Variants in ENOX1 observed in about 807,000 individuals in gnomAD.
ENOX1 encodes the protein ecto-NOX disulfide-thiol exchanger 1.
ENOX1 carries 42 observed loss-of-function variants against 82.5 expected under a neutral mutation model. That is an observed-to-expected ratio of 0.51 (90% CI 0.40 to 0.66). The LOEUF (loss-of-function observed/expected upper bound fraction) is 0.66. ENOX1 is among the 30% of genes least tolerant of loss of function. The probability of loss-of-function intolerance (pLI) is 0.00; values close to 1 mark genes in which losing one functional copy is unlikely to be tolerated. For synonymous variants in ENOX1, 271 were observed against 282.2 expected, an observed-to-expected ratio of 0.96 and a Z score of 0.40; for missense variants, 608 against 811.6, an observed-to-expected ratio of 0.75 and a Z score of 3.05.
intron 12 of ENOX1, among the ~76,000 whole-genome samples, chr13:43,295,400 AC>A (rs1347177509): frequency 6.6e-6 from 1 of 152,202 alleles, no homozygotes; most frequent in African/African-American, 2.4e-5. Context: ...AGACAAAGTC[AC>A]CCAAGAGTTT....
chr13:43,783,225 G>T (rs548279799), intron 1 of ENOX1, among the ~76,000 whole-genome samples: 8 of 152,120 alleles, frequency 5.3e-5, no homozygotes, highest in Non-Finnish European at 1.2e-4. Context: ...AGGAATCATA[G>T]GACTTTTAGA....
At chr13:43,348,220 T>C (rs1011095773) in intron 8 of ENOX1, among the ~76,000 whole-genome samples, 2 of 152,224 alleles carry the variant, frequency 1.3e-5, no homozygotes, top group Non-Finnish European at 2.9e-5. Flanking sequence ...ATGAATTAGG[T>C]GTCTCTTTGC....
chr13:43,343,926 A>C (rs1278785984), intron 9 of ENOX1, among the ~76,000 whole-genome samples: 1 of 152,168 alleles, frequency 6.6e-6, no homozygotes, highest in Non-Finnish European at 1.5e-5. Flanking sequence ...TTCTAAGAGA[A>C]AGCCCCACTT....
At chr13:43,679,336 T>C (rs899045615) in intron 1 of ENOX1, among the ~76,000 whole-genome samples, 6 of 152,188 alleles carry the variant, frequency 3.9e-5, no homozygotes, top group Non-Finnish European at 5.9e-5. Flanking sequence ...CAAGTCCCTG[T>C]CATCTTTGAG....
chr13:43,322,239 A>G, intron 11 of ENOX1, 145 bp downstream of exon 11: 2 of 586,324 alleles, frequency 3.4e-6, no homozygotes, highest in Non-Finnish European at 6.0e-6. Flanking sequence ...TTAAAGTTCT[A>G]TTAATAAAAA....
At chr13:43,303,479 G>A (rs2046697623) in intron 11 of ENOX1, among the ~76,000 whole-genome samples, 1 of 152,168 alleles carries the variant, frequency 6.6e-6, no homozygotes, top group Non-Finnish European at 1.5e-5. Flanking sequence ...TTGCTCCTGA[G>A]AGGTGACTGC....
chr13:43,262,467 C>T (rs1187515730), intron 14 of ENOX1, among the ~76,000 whole-genome samples: 1 of 152,186 alleles, frequency 6.6e-6, no homozygotes, highest in Non-Finnish European at 1.5e-5. Context: ...GGTCCAGAGG[C>T]TTTAAACCTT....
At chr13:43,477,763 C>T (rs977233282) in intron 3 of ENOX1, among the ~76,000 whole-genome samples, 1 of 152,022 alleles carries the variant, frequency 6.6e-6, no homozygotes, top group East Asian at 1.9e-4. Context: ...TTAATAGATG[C>T]CAAGTTTTCA....
chr13:43,284,255 A>G (rs34850252), intron 12 of ENOX1, among the ~76,000 whole-genome samples: 35,083 of 152,154 alleles, frequency 0.23, 5,446 homozygotes, highest in Non-Finnish European at 0.35. Flanking sequence ...TAAGAAATAC[A>G]AACCGTTAGG....
At chr13:43,689,789 T>C (rs1448787735) in intron 1 of ENOX1, among the ~76,000 whole-genome samples, 1 of 152,178 alleles carries the variant, frequency 6.6e-6, no homozygotes, top group Non-Finnish European at 1.5e-5. Context: ...ACTCAAAGGA[T>C]TCATTATCAA....
At chr13:43,441,588 T>A (rs996051856) in intron 3 of ENOX1, among the ~76,000 whole-genome samples, 11 of 152,300 alleles carry the variant, frequency 7.2e-5, no homozygotes, top group African/African-American at 2.6e-4. Flanking sequence ...AAACAGATTT[T>A]AATTTTTAAT....
In ENOX1 at chr13:43,416,251, C is replaced by A. The variant is rs138644012; in HGVS notation, c.-74-3263G>T. 5.5e-3 allele frequency among the ~76,000 whole-genome samples: 717 copies of A among 129,646 alleles called. 2 individuals are homozygous for A. The highest frequency in any genetic ancestry group is 0.021 in the African/African-American group (656 of 30,988). The allele number at this position is 129,646 out of a possible 152,430, so 85.1% of individuals were successfully genotyped here. ...ACTTCCCAGATGATGGGTGGCCGGG[C>A]AGAGGTGCTCCCCATCTCCCAGACG... is the stretch of plus-strand genomic sequence containing the variant. On this transcript the variant is annotated intron_variant, in intron 3 of 16. Transcript: ENST00000690772.
At chr13:43,222,078 A>G (rs1817909262) in intron 16 of ENOX1, among the ~76,000 whole-genome samples, 1 of 152,072 alleles carries the variant, frequency 6.6e-6, no homozygotes, top group Admixed American at 6.6e-5. Flanking sequence ...GGCAGGGGAC[A>G]CCTCGTGTGT....
rs542240890 is a variant in ENOX1, at chr13:43,604,680, C to T, written c.-219+62799G>A. On this transcript the variant is annotated intron_variant, in intron 2 of 16. Coordinates refer to ENST00000690772, the MANE Select transcript of ENOX1 (RefSeq NM_001347969.2). ...ATCCTGGGGATAAATCCCACTTGGT[C>T]ATGATGAATGATCAAGTTTATAAGA... 6.6e-5 allele frequency among the ~76,000 whole-genome samples: 10 copies of T among 152,254 alleles called. 1 individual carries two copies. The South Asian group carries it at 2.1e-3, about 32-fold the overall frequency.
intron 13 of ENOX1, among the ~76,000 whole-genome samples, chr13:43,268,479 A>C (rs2044505414): frequency 4.6e-5 from 7 of 152,212 alleles, no homozygotes; most frequent in Admixed American, 4.6e-4. Context: ...AAAGCTATAA[A>C]GGTTTATAAA....
intron 9 of ENOX1, among the ~76,000 whole-genome samples, chr13:43,329,977 C>A (rs1426735139): frequency 1.3e-5 from 2 of 152,100 alleles, no homozygotes; most frequent in Non-Finnish European, 1.5e-5. Context: ...AGAGTATGCC[C>A]TAATGAATGT....
At chr13:43,678,288 A>C (rs1489654026) in intron 1 of ENOX1, among the ~76,000 whole-genome samples, 1 of 152,202 alleles carries the variant, frequency 6.6e-6, no homozygotes, top group Non-Finnish European at 1.5e-5. Context: ...CTCAAATATA[A>C]AAAATATGAT....
At chr13:43,687,037 G>A (rs905530538) in intron 1 of ENOX1, among the ~76,000 whole-genome samples, 28 of 152,112 alleles carry the variant, frequency 1.8e-4, no homozygotes, top group African/African-American at 6.5e-4. Context: ...CCAGAAATAG[G>A]TAACGACGGA....
chr13:43,590,096 C>A (rs1359069144), intron 2 of ENOX1, among the ~76,000 whole-genome samples: 1 of 151,828 alleles, frequency 6.6e-6, no homozygotes, highest in African/African-American at 2.4e-5. Flanking sequence ...CTCTAAGTGG[C>A]TGAATAAATG....
Sources: gnomAD v4.1 joint callset for allele counts (sites outside exome capture counted in the v4.1 genomes callset) on GRCh38, gnomAD v4.1.1 for gene constraint, MANE v1.5 for transcripts, NCBI Gene and HGNC (gene_info 2026-07-23, HGNC 2026-07-21) for gene names.